The following C1orf21 variants were observed in gnomAD, a reference collection of about 807,000 sequenced individuals.
C1orf21 encodes the protein chromosome 1 open reading frame 21.
Under a neutral mutation model 18.7 loss-of-function variants are expected in C1orf21, and 3 were observed. The observed-to-expected ratio is 0.16, with a 90% confidence interval of 0.07 to 0.42. The LOEUF (loss-of-function observed/expected upper bound fraction) is 0.42, where lower values mean the gene tolerates loss of function less well. C1orf21 is among the 10% of genes least tolerant of loss of function. The pLI is 0.99. For synonymous variants in C1orf21, 41 were observed against 46.4 expected (o/e 0.88, Z 0.47); for missense variants, 104 against 143.6 (o/e 0.72, Z 1.41).
intron 1 of C1orf21, among the ~76,000 whole-genome samples, chr1:184,399,432 GGCTCACT>G: frequency 6.8e-6 from 1 of 147,724 alleles, no homozygotes; most frequent in East Asian, 2.0e-4. Context: ...CTGTGATCTC[GGCTCACT>G]GCAGCCTCTG....
intron 1 of C1orf21, among the ~76,000 whole-genome samples, chr1:184,462,393 C>T (rs997357405): frequency 5.3e-5 from 8 of 152,086 alleles, no homozygotes; most frequent in African/African-American, 1.7e-4. Flanking sequence ...GGCAAAAAGC[C>T]TCCAGCGTTT....
chr1:184,619,406 T>C (rs1659881357), intron 5 of C1orf21, 112 bp from the exon 6 acceptor site: 1 of 1,172,894 alleles, frequency 8.5e-7, no homozygotes, highest in Non-Finnish European at 1.2e-6. Flanking sequence ...TGACAAAGCC[T>C]GGATTCTGTT....
Position 184,553,438 on chromosome 1 carries a change from C to T in C1orf21, c.190-37301C>T, listed in dbSNP as rs146154424. On this transcript the variant is annotated intron_variant, in intron 3 of 5. Transcript: ENST00000235307. ...CTTACTGTTTTTCCTGGTTCTGTGCCGTAAACACTGAATGGACTATCTTAC... is the reference window on the plus strand; with the variant it reads ...CTTACTGTTTTTCCTGGTTCTGTGCTGTAAACACTGAATGGACTATCTTAC... Among the ~76,000 whole-genome samples, 484 of 152,184 alleles carry T rather than the reference C, an allele frequency of 3.2e-3. 2 individuals carry two copies. Among genetic ancestry groups the T allele is most frequent in the African/African-American group, 0.011 (450 of 41,518 alleles).
intron 2 of C1orf21, among the ~76,000 whole-genome samples, chr1:184,502,200 G>C (rs1008789173): frequency 1.3e-5 from 2 of 152,170 alleles, no homozygotes; most frequent in Non-Finnish European, 2.9e-5. Context: ...GGTTCTAGAG[G>C]CTGGGATGTC....
intron 2 of C1orf21, among the ~76,000 whole-genome samples, chr1:184,498,121 C>G (rs1657920750): frequency 6.6e-6 from 1 of 152,178 alleles, no homozygotes. Flanking sequence ...CACTAACCTC[C>G]TCACCCCTTC....
At chr1:184,530,600 CT>C (rs1184327589) in intron 3 of C1orf21, among the ~76,000 whole-genome samples, 24,846 of 111,570 alleles carry the variant, frequency 0.22, 1,522 homozygotes, top group African/African-American at 0.26. Flanking sequence ...TTTCTTTTTT[CT>C]TTTTTTTTTT....
intron 3 of C1orf21, among the ~76,000 whole-genome samples, chr1:184,510,257 G>A (rs546305605): frequency 5.3e-5 from 8 of 152,256 alleles, no homozygotes; most frequent in African/African-American, 1.2e-4. Context: ...AGGAGCTTAC[G>A]GTATATTTTC....
intron 1 of C1orf21, among the ~76,000 whole-genome samples, chr1:184,388,596 A>G (rs1007282936): frequency 2.6e-5 from 4 of 151,868 alleles, no homozygotes; most frequent in Admixed American, 2.0e-4. Flanking sequence ...CTGACACACC[A>G]TAGATTCCAT....
chr1:184,519,758 T>C (rs1176624804), intron 3 of C1orf21, among the ~76,000 whole-genome samples: 2 of 152,196 alleles, frequency 1.3e-5, no homozygotes, highest in Non-Finnish European at 2.9e-5. Context: ...ATTTATGCCT[T>C]GGAGGTGAGA....
chr1:184,491,764 C>CA (rs1230243831), intron 2 of C1orf21, among the ~76,000 whole-genome samples: 1 of 152,232 alleles, frequency 6.6e-6, no homozygotes, highest in African/African-American at 2.4e-5. Flanking sequence ...GCTCACATGA[C>CA]ACTGGTTAAG....
intron 1 of C1orf21, among the ~76,000 whole-genome samples, chr1:184,403,213 G>C (rs1656191637): frequency 1.3e-5 from 2 of 152,232 alleles, no homozygotes; most frequent in African/African-American, 4.8e-5. Context: ...TCTATCAACA[G>C]TGTAGTGAAT....
intron 3 of C1orf21, among the ~76,000 whole-genome samples, chr1:184,528,352 C>T (rs983071263): frequency 1.3e-5 from 2 of 152,204 alleles, no homozygotes; most frequent in African/African-American, 4.8e-5. Context: ...TGCCCAGGTG[C>T]AAGTAATAGT....
intron 1 of C1orf21, among the ~76,000 whole-genome samples, chr1:184,438,112 G>T (rs1656886475): frequency 6.6e-6 from 1 of 152,070 alleles, no homozygotes; most frequent in Non-Finnish European, 1.5e-5. Flanking sequence ...CTGATACCAG[G>T]GTCCCCTGAT....
intron 3 of C1orf21, among the ~76,000 whole-genome samples, chr1:184,556,212 G>T (rs1339717931): frequency 6.6e-6 from 1 of 152,180 alleles, no homozygotes; most frequent in Non-Finnish European, 1.5e-5. Context: ...GGATAACACT[G>T]TGGGGTGGGT....
intron 3 of C1orf21, among the ~76,000 whole-genome samples, chr1:184,534,821 G>A (rs1402296291): frequency 6.6e-6 from 1 of 152,132 alleles, no homozygotes; most frequent in East Asian, 1.9e-4. Context: ...ACTTTTACGT[G>A]GGAGTAGGAG....
chr1:184,475,464 G>A (rs1164398887), intron 1 of C1orf21, among the ~76,000 whole-genome samples: 3 of 151,954 alleles, frequency 2.0e-5, no homozygotes, highest in African/African-American at 7.3e-5. Context: ...CTTTCAGCCT[G>A]GTAAATTTCT....
At chr1:184,518,863 C>T (rs1264763919) in intron 3 of C1orf21, among the ~76,000 whole-genome samples, 2 of 151,924 alleles carry the variant, frequency 1.3e-5, no homozygotes, top group Non-Finnish European at 2.9e-5. Flanking sequence ...TGAATGAGAA[C>T]AGGGCCTCAA....
intron 1 of C1orf21, among the ~76,000 whole-genome samples, chr1:184,447,304 ATTTTTTAGTTGT>A (rs1399684005): frequency 6.6e-6 from 1 of 152,200 alleles, no homozygotes; most frequent in Non-Finnish European, 1.5e-5. Flanking sequence ...GCAAATGTGC[ATTTTTTAGTTGT>A]TAGGTTAATG....
rs1016223430 is a variant in C1orf21, at chr1:184,621,878, T to A, written c.*2322T>A. 1 of 152,206 alleles carries A rather than the reference T, an allele frequency of 6.6e-6. No homozygotes were observed. Among genetic ancestry groups the A allele is most frequent in the Non-Finnish European group, 1.5e-5 (1 of 68,048 alleles). 9.4% of individuals were successfully genotyped at this position (152,206 alleles called of 1,614,324 possible). A position where few individuals can be genotyped will look rare whatever the true frequency, so the allele number is the denominator to read the frequency against. Reference sequence around the variant, plus strand: ...TGGATACATCTTTGATGTGCGAAAGTGAGTTCATCTTCAGACACATTTGGT... The same window carrying A: ...TGGATACATCTTTGATGTGCGAAAGAGAGTTCATCTTCAGACACATTTGGT... On this transcript the variant is annotated 3_prime_UTR_variant, in exon 6 of 6. Transcript: ENST00000235307.
Sources: gnomAD v4.1 joint callset for allele counts (sites outside exome capture counted in the v4.1 genomes callset) on GRCh38, gnomAD v4.1.1 for gene constraint, MANE v1.5 for transcripts, NCBI Gene and HGNC (gene_info 2026-07-23, HGNC 2026-07-21) for gene names.